The following GUCY1A2 variants were observed in gnomAD, a reference collection of about 807,000 sequenced individuals.
The protein encoded by GUCY1A2 is guanylate cyclase soluble subunit alpha-2.
Under a neutral mutation model 63.5 loss-of-function variants are expected in GUCY1A2, and 27 were observed. That is an observed-to-expected ratio of 0.43 (90% CI 0.31 to 0.59). GUCY1A2 has a LOEUF of 0.59. Ranked by LOEUF, GUCY1A2 falls within the 20% of genes least tolerant of loss-of-function variation. GUCY1A2 has a pLI of 0.11. For missense variants in GUCY1A2, 768 were observed against 913.3 expected (o/e 0.84, Z 2.05); for synonymous variants, 364 against 343.5 (o/e 1.06, Z -0.66).
intron 4 of GUCY1A2, among the ~76,000 whole-genome samples, chr11:106,908,203 C>T (rs191637919): frequency 0.013 from 1,949 of 152,098 alleles, 27 homozygotes; most frequent in South Asian, 0.048. Flanking sequence ...TAGATATTAT[C>T]AATTTTACTG....
At chr11:106,802,141 G>T (rs577420469) in intron 5 of GUCY1A2, among the ~76,000 whole-genome samples, 3 of 152,292 alleles carry the variant, frequency 2.0e-5, no homozygotes, top group African/African-American at 7.2e-5. Flanking sequence ...AAACACCTCA[G>T]TTCAGTGAGA....
chr11:106,844,107 A>C (rs1859239329), intron 4 of GUCY1A2, among the ~76,000 whole-genome samples: 1 of 151,868 alleles, frequency 6.6e-6, no homozygotes, highest in Admixed American at 6.6e-5. Context: ...GAAAACTTAT[A>C]GTTGTTTATG....
chr11:106,948,077 T>C (rs1269865068), intron 3 of GUCY1A2, among the ~76,000 whole-genome samples: 1 of 152,162 alleles, frequency 6.6e-6, no homozygotes, highest in East Asian at 1.9e-4. Context: ...TGGGTAAGTA[T>C]CTGGCAAAGT....
intron 6 of GUCY1A2, among the ~76,000 whole-genome samples, chr11:106,731,147 C>T (rs976353102): frequency 5.3e-5 from 8 of 152,144 alleles, no homozygotes; most frequent in South Asian, 2.1e-4. Context: ...TTTTTGGCAT[C>T]TTCCTCATAA....
intron 4 of GUCY1A2, among the ~76,000 whole-genome samples, chr11:106,881,439 C>CA (rs1340632566): frequency 2.0e-5 from 3 of 151,948 alleles, no homozygotes; most frequent in African/African-American, 7.2e-5. Context: ...AATGAGTATA[C>CA]AACTTGCTTG....
chr11:106,785,234 A>T (rs1161548759), intron 5 of GUCY1A2, among the ~76,000 whole-genome samples: 2 of 152,180 alleles, frequency 1.3e-5, no homozygotes, highest in African/African-American at 4.8e-5. Flanking sequence ...TTACTTTTAA[A>T]GGAGAAGATG....
At chr11:106,773,805 TCTC>T (rs1864301703) in intron 6 of GUCY1A2, among the ~76,000 whole-genome samples, 1 of 152,200 alleles carries the variant, frequency 6.6e-6, no homozygotes, top group Non-Finnish European at 1.5e-5. Context: ...ACAAAAATAT[TCTC>T]CTAATTTGTA....
chr11:106,941,513 T>C (rs1479603165), intron 3 of GUCY1A2, among the ~76,000 whole-genome samples: 2 of 152,214 alleles, frequency 1.3e-5, no homozygotes, highest in African/African-American at 4.8e-5. Flanking sequence ...TACATATTCA[T>C]ATTTTCTTGC....
chr11:106,911,741 T>C (rs979073310), intron 4 of GUCY1A2, among the ~76,000 whole-genome samples: 5 of 152,064 alleles, frequency 3.3e-5, no homozygotes, highest in African/African-American at 1.2e-4. Flanking sequence ...TGGAAATACA[T>C]GCTTTTTAAA....
At chr11:106,735,420 T>C (rs575565768) in intron 6 of GUCY1A2, among the ~76,000 whole-genome samples, 1 of 152,274 alleles carries the variant, frequency 6.6e-6, no homozygotes, top group East Asian at 1.9e-4. Context: ...GCTGGGCTTA[T>C]TTCACTTAGC....
chr11:106,982,610 G>GT (rs1861351997), intron 2 of GUCY1A2, among the ~76,000 whole-genome samples: 1 of 152,098 alleles, frequency 6.6e-6, no homozygotes, highest in Non-Finnish European at 1.5e-5. Context: ...TACTTTAGAC[G>GT]GGGTGATCAG....
rs186642968 is a variant in GUCY1A2, at chr11:106,932,310, A to T, written c.1206+7150T>A. 3.3e-3 allele frequency among the ~76,000 whole-genome samples: 502 copies of T among 152,280 alleles called. 10 individuals carry two copies. The highest frequency in any genetic ancestry group is 6.8e-3 in the South Asian group (33 of 4,822). ...TTGGGAATACATAATTCATCATGTAATCATGTACAGTGTCCTCTTACTATA... is the reference window on the plus strand; with the variant it reads ...TTGGGAATACATAATTCATCATGTATTCATGTACAGTGTCCTCTTACTATA... On this transcript the variant is annotated intron_variant, in intron 4 of 7. Transcript: ENST00000526355.
chr11:106,822,458 T>C (rs1858915582), intron 4 of GUCY1A2, among the ~76,000 whole-genome samples: 1 of 152,204 alleles, frequency 6.6e-6, no homozygotes, highest in African/African-American at 2.4e-5. Context: ...AATGGTTTTA[T>C]TACCCAGGTA....
intron 7 of GUCY1A2, among the ~76,000 whole-genome samples, chr11:106,689,775 C>T (rs573607639): frequency 7.8e-4 from 119 of 152,000 alleles, no homozygotes; most frequent in African/African-American, 2.8e-3. Context: ...GGGCAGATCA[C>T]GAGGTCAGGA....
intron 4 of GUCY1A2, among the ~76,000 whole-genome samples, chr11:106,811,504 C>T (rs1858762026): frequency 6.6e-6 from 1 of 152,048 alleles, no homozygotes; most frequent in Non-Finnish European, 1.5e-5. Context: ...ATGGAATGTG[C>T]TCAATACATG....
chr11:106,713,716 C>T (rs1216264176), intron 6 of GUCY1A2, among the ~76,000 whole-genome samples: 1 of 151,822 alleles, frequency 6.6e-6, no homozygotes, highest in African/African-American at 2.4e-5. Context: ...CCGTGTTAGC[C>T]AGGATGGTCT....
chr11:106,752,325 T>C (rs79071343), intron 6 of GUCY1A2, among the ~76,000 whole-genome samples: 3,436 of 152,312 alleles, frequency 0.023, 119 homozygotes, highest in African/African-American at 0.076. Flanking sequence ...TAATCTGGAA[T>C]GTTTAATGCC....
At chr11:106,741,208 A>G (rs1863689063) in intron 6 of GUCY1A2, among the ~76,000 whole-genome samples, 1 of 152,246 alleles carries the variant, frequency 6.6e-6, no homozygotes, top group African/African-American at 2.4e-5. Context: ...TTCAAACTGT[A>G]ATCAAATTAA....
At chr11:106,821,302 T>C (rs1858900286) in intron 4 of GUCY1A2, among the ~76,000 whole-genome samples, 1 of 152,242 alleles carries the variant, frequency 6.6e-6, no homozygotes, top group Admixed American at 6.5e-5. Flanking sequence ...ATATTAAATT[T>C]ATATGCAGTC....
Sources: gnomAD v4.1 joint callset for allele counts (sites outside exome capture counted in the v4.1 genomes callset) on GRCh38, gnomAD v4.1.1 for gene constraint, MANE v1.5 for transcripts, NCBI Gene and HGNC (gene_info 2026-07-23, HGNC 2026-07-21) for gene names.